The following ZNF638 variants were observed in gnomAD, a reference collection of about 807,000 sequenced individuals.
ZNF638 encodes CTCL tumor antigen se33-1.
In ZNF638, 46 loss-of-function variants were observed where a neutral mutation model predicts 195.6. The ratio of observed to expected loss-of-function variants is 0.24; its 90% CI spans 0.19 to 0.30. ZNF638 has a LOEUF of 0.30. ZNF638 is among the 10% of genes least tolerant of loss of function. The pLI is 1.00. For synonymous variants in ZNF638, 845 were observed against 772.0 expected, an observed-to-expected ratio of 1.09 and a Z score of -1.57; for missense variants, 2,440 against 2,325.3, an observed-to-expected ratio of 1.05 and a Z score of -1.01.
At position 71,396,192 on chromosome 2, in the gene ZNF638, G is replaced by C. The variant is rs1054358220; in HGVS notation, c.2428+1G>C. 3 of 1,610,036 alleles carry C rather than the reference G, an allele frequency of 1.9e-6. No homozygotes were observed. Among genetic ancestry groups the C allele is most frequent in the Non-Finnish European group, 2.5e-6 (3 of 1,178,742 alleles). On this transcript the variant is annotated splice_donor_variant, in intron 11 of 27. Transcript: ENST00000264447. LOFTEE classifies it high-confidence loss of function. Reference sequence around the variant, plus strand: ...GTAGCCAAAGTAAACAAATCTACAGGTATGTTTTTTTAATTAGGATTCTAG... The same window carrying C: ...GTAGCCAAAGTAAACAAATCTACAGCTATGTTTTTTTAATTAGGATTCTAG...
intron 10 of ZNF638, among the ~76,000 whole-genome samples, chr2:71,391,809 C>G (rs988020753): frequency 7.2e-5 from 11 of 152,136 alleles, no homozygotes; most frequent in Non-Finnish European, 2.9e-5. Context: ...TAGACTCACC[C>G]AGGTATTTAA....
rs376232282 is a variant in ZNF638 at position 71,367,219 on chromosome 2, G to C, written c.1996-1163G>C. The stretch of plus-strand genomic sequence containing the variant: ...TTTTCATTTTGTTTCAAGACTTCTA[G>C]GTGGTGGCAGTGGAACTTTTTTTTT... On this transcript the variant is annotated intron_variant, in intron 6 of 27. Coordinates refer to ENST00000264447, the MANE Select transcript of ZNF638 (RefSeq NM_014497.5). Among the ~76,000 whole-genome samples, 6 of 151,524 alleles carry C rather than the reference G, an allele frequency of 4.0e-5. No homozygotes were observed. In the South Asian group the frequency reaches 8.4e-4, roughly 21 times the overall value.
chr2:71,410,517 T>G (rs2080193049), intron 20 of ZNF638, among the ~76,000 whole-genome samples: 1 of 152,126 alleles, frequency 6.6e-6, no homozygotes, highest in East Asian at 1.9e-4. Context: ...GGCCCTAAAC[T>G]AATATTTATC....
At chr2:71,390,240 A>G (rs1573101974) in intron 10 of ZNF638, among the ~76,000 whole-genome samples, 1 of 152,232 alleles carries the variant, frequency 6.6e-6, no homozygotes, top group Non-Finnish European at 1.5e-5. Flanking sequence ...AACTTGGGCA[A>G]TGCCAGCGGC....
chr2:71,395,753 A>G (rs1165524994), intron 10 of ZNF638: 11 of 386,632 alleles, frequency 2.8e-5, no homozygotes, highest in Non-Finnish European at 4.3e-5. Context: ...ACTCATGCAA[A>G]ATACCTGTGT....
intron 2 of ZNF638, among the ~76,000 whole-genome samples, chr2:71,351,777 C>T (rs1217236223): frequency 1.3e-5 from 2 of 152,018 alleles, no homozygotes; most frequent in African/African-American, 2.4e-5. Context: ...TTTATTCAGT[C>T]TTATTGGGGA....
Position 71,406,184 on chromosome 2 carries a change from T to G in ZNF638, c.3057T>G (p.Asp1019Glu). The change falls in exon 19 of 28, where the codon GAT (aspartate) becomes GAG (glutamate). Residue 1019 changes from aspartate (D) to glutamate (E), a missense_variant. Around this residue, in one of 5 missense-constraint regions of ZNF638, gnomAD observed 1,883 missense variants for 1,739.1 expected, o/e 1.08. Coordinates refer to ENST00000264447, the MANE Select transcript of ZNF638 (RefSeq NM_014497.5). ...RFVHLDNLPEDGLQCVLCVGL... is the reference protein window; with the variant it reads ...RFVHLDNLPEEGLQCVLCVGL... Reference sequence around the variant, plus strand: ...TACATCTTGATAATTTACCGGAAGATGGACTTCAGTGTGTACTTTGTGTTG... The same window carrying G: ...TACATCTTGATAATTTACCGGAAGAGGGACTTCAGTGTGTACTTTGTGTTG... 1 of 1,613,786 alleles carries G rather than the reference T, an allele frequency of 6.2e-7. No homozygotes were observed. The highest frequency in any genetic ancestry group is 1.7e-5 in the Admixed American group (1 of 60,024).
rs145412278 is a variant in ZNF638, at chr2:71,392,390, A to G, written c.2378-3751A>G. Among the ~76,000 whole-genome samples, 1,241 of 152,276 alleles carry G rather than the reference A, an allele frequency of 8.1e-3. 12 individuals are homozygous for G. Among genetic ancestry groups the G allele is most frequent in the Non-Finnish European group, 0.012 (817 of 68,022 alleles). ...AATCTGGATTTACTACCGCTCAGGG[A>G]GCTGAGGTTGGAGCCCTAGTACTGG... On this transcript the variant is annotated intron_variant, in intron 10 of 27. Transcript: ENST00000264447.
chr2:71,428,957 C>T (rs770361622), intron 25 of ZNF638: 12 of 215,546 alleles, frequency 5.6e-5, no homozygotes, highest in Non-Finnish European at 1.0e-4. Context: ...TTTGTTGATG[C>T]TTGTCAGCAG....
Position 71,427,178 on chromosome 2 carries a change from A to G in ZNF638, c.5309A>G (p.Glu1770Gly). 6.2e-7 allele frequency: 1 copy of G among 1,611,728 alleles called. No homozygotes were observed. Among genetic ancestry groups the G allele is most frequent in the Non-Finnish European group, 8.5e-7 (1 of 1,179,280 alleles). The change falls in exon 24 of 28, where the codon GAA (glutamate) becomes GGA (glycine). Residue 1770 changes from glutamate (E) to glycine (G), a missense_variant. Physicochemically the swap from Glu to Gly is moderately conservative, Grantham distance 98. This residue lies in a region of ZNF638 where 1,883 missense variants were observed against 1,739.1 expected (regional missense o/e 1.08). Coordinates refer to ENST00000264447, the MANE Select transcript of ZNF638 (RefSeq NM_014497.5). ...CTGGCGGATTTTAACAACCTTAAAGAAGAGCTTAATTTTGTTACTGTTGAT... is the reference window on the plus strand; with the variant it reads ...CTGGCGGATTTTAACAACCTTAAAGGAGAGCTTAATTTTGTTACTGTTGAT... ...DSLADFNNLK[E>G]ELNFVTVDEV...
chr2:71,339,836 GTTACAC>G (rs541613990), intron 1 of ZNF638, among the ~76,000 whole-genome samples: 61 of 152,310 alleles, frequency 4.0e-4, no homozygotes, highest in African/African-American at 1.5e-3. Context: ...GGGCTAACCT[GTTACAC>G]TTACTAGGAG....
chr2:71,358,006 A>T (rs990145180), intron 3 of ZNF638, among the ~76,000 whole-genome samples: 2 of 152,140 alleles, frequency 1.3e-5, no homozygotes, highest in African/African-American at 4.8e-5. Flanking sequence ...TCATGGTGTT[A>T]GTTGGGCCAC....
intron 25 of ZNF638, 22 bp from the exon 26 acceptor site, chr2:71,431,305 T>C: frequency 1.9e-6 from 3 of 1,598,294 alleles, no homozygotes; most frequent in Non-Finnish European, 2.6e-6. Context: ...CTGAATAGCT[T>C]TTTTTCCTCG....
At chr2:71,403,633 C>G (rs951736682) in intron 16 of ZNF638, among the ~76,000 whole-genome samples, 1 of 151,986 alleles carries the variant, frequency 6.6e-6, no homozygotes, top group African/African-American at 2.4e-5. Flanking sequence ...TCTTTTTTCT[C>G]TCTTTAGTTT....
At chr2:71,376,537 G>A (rs1028538700) in intron 8 of ZNF638, among the ~76,000 whole-genome samples, 1 of 152,134 alleles carries the variant, frequency 6.6e-6, no homozygotes, top group Non-Finnish European at 1.5e-5. Flanking sequence ...AAGAAGAAGA[G>A]CTGTGCTATA....
At chr2:71,395,025 C>T (rs76070137) in intron 10 of ZNF638, among the ~76,000 whole-genome samples, 3,114 of 152,272 alleles carry the variant, frequency 0.02, 46 homozygotes, top group African/African-American at 0.041. Context: ...TGAGGTGAAA[C>T]AACACCTCGG....
chr2:71,350,299 T>A, intron 2 of ZNF638, 28 bp downstream of exon 2: 1 of 1,579,412 alleles, frequency 6.3e-7, no homozygotes, highest in Non-Finnish European at 8.6e-7. Flanking sequence ...AAGATCACTG[T>A]ATAATGATGC....
intron 20 of ZNF638, among the ~76,000 whole-genome samples, chr2:71,408,972 AT>A (rs2080159023): frequency 6.6e-6 from 1 of 152,158 alleles, no homozygotes; most frequent in African/African-American, 2.4e-5. Context: ...AAAAAAATAT[AT>A]AAAAGTTTTT....
chr2:71,427,180 G>A lies in ZNF638; in HGVS notation c.5311G>A (p.Glu1771Lys), dbSNP rs774122393. 1 of 1,611,696 alleles carries A rather than the reference G, an allele frequency of 6.2e-7. No individual in the cohort carries two copies. The highest frequency in any genetic ancestry group is 1.3e-5 in the African/African-American group (1 of 74,700). Residue 1771 changes from glutamate to lysine, a missense_variant, in exon 24 of 28, where the codon GAG (glutamate) becomes AAG (lysine). By Grantham distance (56) the Glu-to-Lys change is moderately conservative (BLOSUM62 1). This residue lies in a region of ZNF638 where 1,883 missense variants were observed against 1,739.1 expected (regional missense o/e 1.08). Coordinates refer to ENST00000264447, the MANE Select transcript of ZNF638 (RefSeq NM_014497.5). ...GGCGGATTTTAACAACCTTAAAGAA[G>A]AGCTTAATTTTGTTACTGTTGATGA... ...SLADFNNLKE[E>K]LNFVTVDEVG...
Sources: gnomAD v4.1 joint callset for allele counts (sites outside exome capture counted in the v4.1 genomes callset) on GRCh38, gnomAD v4.1.1 for gene constraint, gnomAD v4.1.1 regional missense constraint, MANE v1.5 for transcripts, NCBI Gene and HGNC (gene_info 2026-07-23, HGNC 2026-07-21) for gene names.